Variants in MELK observed in about 807,000 individuals in gnomAD.
MELK encodes the protein pEg3 kinase.
In MELK, 81 loss-of-function variants were observed where a neutral mutation model predicts 85.0. The ratio of observed to expected loss-of-function variants is 0.95; its 90% confidence interval spans 0.80 to 1.15. The LOEUF is 1.15. Among genes scored for constraint, MELK ranks in the 50% most tolerant of loss-of-function variants. The pLI is 0.00. For synonymous variants in MELK, 252 were observed against 265.0 expected, an observed-to-expected ratio of 0.95 and a Z score of 0.48; for missense variants, 754 against 777.5, an observed-to-expected ratio of 0.97 and a Z score of 0.36.
At chr9:36,623,080 G>T (rs1173374291) in intron 8 of MELK, among the ~76,000 whole-genome samples, 3 of 152,180 alleles carry the variant, frequency 2.0e-5, no homozygotes, top group East Asian at 1.9e-4. Context: ...ATTCTTTGTT[G>T]TAGGGGACTG....
At chr9:36,582,524 T>TA (rs1296877318) in intron 2 of MELK, among the ~76,000 whole-genome samples, 1 of 148,262 alleles carries the variant, frequency 6.7e-6, no homozygotes, top group African/African-American at 2.6e-5. Context: ...TACACACACA[T>TA]ATGTACACAC....
At chr9:36,592,576 T>A (rs571406557) in intron 4 of MELK, among the ~76,000 whole-genome samples, 2 of 152,284 alleles carry the variant, frequency 1.3e-5, no homozygotes, top group African/African-American at 4.8e-5. Flanking sequence ...TATGTGTGTG[T>A]GTGTAGCTTA....
rs1395585267 is a variant in MELK at position 36,605,879 on chromosome 9, G to A, written c.568-1696G>A. Among the ~76,000 whole-genome samples the A allele has an allele frequency of 2.7e-5, 4 of 150,428 alleles. No homozygotes were observed. In the South Asian group the frequency reaches 8.5e-4, roughly 32 times the overall value. On this transcript the variant is annotated intron_variant, in intron 7 of 17. Coordinates refer to ENST00000298048, the MANE Select transcript of MELK (RefSeq NM_014791.4). ...TGCTCTTAAAACTTGCCTAAGCCTG[G>A]GAGGCAAATGTTGCAGTGAGCTGAG...
intron 4 of MELK, among the ~76,000 whole-genome samples, chr9:36,593,322 G>A (rs1823832070): frequency 6.6e-6 from 1 of 151,990 alleles, no homozygotes; most frequent in Non-Finnish European, 1.5e-5. Context: ...TTAAGAGGTG[G>A]GGCCCTTTAA....
At chr9:36,578,754 C>T (rs1287676358) in intron 1 of MELK, among the ~76,000 whole-genome samples, 2 of 152,126 alleles carry the variant, frequency 1.3e-5, no homozygotes, top group Non-Finnish European at 2.9e-5. Context: ...CAATTCTCAT[C>T]CTTTGAATTA....
At chr9:36,642,925 G>T in intron 10 of MELK, 72 bp from the exon 11 acceptor site, 1 of 1,113,906 alleles carries the variant, frequency 9.0e-7, no homozygotes, top group South Asian at 1.5e-5. Flanking sequence ...TAATTATGCT[G>T]ATTTTAAAAT....
chr9:36,651,712 A>G (rs1412049257), intron 11 of MELK, 34 bp from the exon 12 acceptor site: 7 of 1,597,856 alleles, frequency 4.4e-6, no homozygotes, highest in Non-Finnish European at 6.0e-6. Flanking sequence ...CAAACAAGTA[A>G]TCTTCTAACC....
In MELK at chr9:36,665,342, T is replaced by C; in HGVS notation, c.1177-8T>C. ...AGTGTGCTTTATCTAGTAACTTTTT[T>C]TTTCCAGTTTACCAAGTACTGGACA... On this transcript the variant is annotated splice_polypyrimidine_tract_variant and splice_region_variant and intron_variant, in intron 13 of 17. Transcript: ENST00000298048. The C allele has an allele frequency of 6.4e-7, 1 of 1,569,744 alleles. No individual in the cohort carries two copies. Among genetic ancestry groups the C allele is most frequent in the Non-Finnish European group, 8.7e-7 (1 of 1,153,196 alleles).
At chr9:36,633,532 G>C (rs1347185599) in intron 10 of MELK, among the ~76,000 whole-genome samples, 1 of 152,144 alleles carries the variant, frequency 6.6e-6, no homozygotes, top group Non-Finnish European at 1.5e-5. Flanking sequence ...TTATTCATCT[G>C]TAAAAAGTAG....
At position 36,636,778 on chromosome 9, in the gene MELK, T is replaced by TCTG. The variant is rs1564191010; in HGVS notation, c.834+3578_834+3579insCTG. On this transcript the variant is annotated intron_variant, in intron 10 of 17. Coordinates refer to ENST00000298048, the MANE Select transcript of MELK (RefSeq NM_014791.4). Reference sequence around the variant, plus strand: ...TTTCTTTCTTTCTTTCTTTCTTTCTTTCTTTCTGTCTGTCTTTCTTTCTTT... The same window carrying TCTG: ...TTTCTTTCTTTCTTTCTTTCTTTCTTCTGTCTTTCTGTCTGTCTTTCTTTCTTT... 6.0e-3 allele frequency among the ~76,000 whole-genome samples: 492 copies of TCTG among 81,976 alleles called. 3 individuals carry two copies. Among genetic ancestry groups the TCTG allele is most frequent in the African/African-American group, 0.02 (427 of 21,684 alleles). 53.8% of individuals were successfully genotyped at this position (81,976 alleles called of 152,430 possible). A position where few individuals can be genotyped will look rare whatever the true frequency, so the allele number is the denominator to read the frequency against.
chr9:36,593,722 C>T (rs1009429729), intron 4 of MELK, among the ~76,000 whole-genome samples: 1 of 152,176 alleles, frequency 6.6e-6, no homozygotes, highest in African/African-American at 2.4e-5. Flanking sequence ...GACGAAGTCT[C>T]ACTTTGTCAC....
chr9:36,636,798 T>TCTGTCTG (rs1564191179), intron 10 of MELK, among the ~76,000 whole-genome samples: 63 of 82,058 alleles, frequency 7.7e-4, no homozygotes, highest in African/African-American at 2.2e-3. Context: ...CTGTCTTTCT[T>TCTGTCTG]TCTTTCTGTC....
chr9:36,622,926 C>T (rs1827580663), intron 8 of MELK, among the ~76,000 whole-genome samples: 1 of 152,186 alleles, frequency 6.6e-6, no homozygotes, highest in Non-Finnish European at 1.5e-5. Context: ...CTGTTTCTTG[C>T]TCTCCTTTGC....
chr9:36,617,477 C>T (rs895646625), intron 8 of MELK, among the ~76,000 whole-genome samples: 1 of 151,922 alleles, frequency 6.6e-6, no homozygotes, highest in Admixed American at 6.6e-5. Flanking sequence ...GAACTACAGG[C>T]GTGCGCTACC....
At chr9:36,666,408 G>T (rs1249409356) in intron 14 of MELK, among the ~76,000 whole-genome samples, 2 of 152,122 alleles carry the variant, frequency 1.3e-5, no homozygotes, top group African/African-American at 2.4e-5. Flanking sequence ...CTGGTACATA[G>T]TACACAGTAC....
chr9:36,659,305 C>T (rs758345428), intron 13 of MELK, among the ~76,000 whole-genome samples: 5 of 152,148 alleles, frequency 3.3e-5, no homozygotes, highest in Admixed American at 2.0e-4. Flanking sequence ...CATGAGCCAC[C>T]GTGCCCGGCC....
Position 36,657,252 on chromosome 9 carries a change from G to A in MELK, c.1065G>A (p.Trp355Ter), listed in dbSNP as rs1333012659. 5 of 1,611,338 alleles carry A rather than the reference G, an allele frequency of 3.1e-6. No homozygotes were observed. Among genetic ancestry groups the A allele is most frequent in the East Asian group, 4.5e-5 (2 of 44,858 alleles). Residue 355 changes from tryptophan to a stop codon, truncating the protein, a stop_gained, in exon 13 of 18, where the codon TGG (tryptophan) becomes TGA (stop). Transcript: ENST00000298048. LOFTEE classifies it high-confidence loss of function. ...TPFTDIKSNN[W>*]SLEDVTASDK... Reference sequence around the variant, plus strand: ...CTTTCATTGAGTAGTCAAATAATTGGAGTCTGGAAGATGTGACCGCAAGTG... The same window carrying A: ...CTTTCATTGAGTAGTCAAATAATTGAAGTCTGGAAGATGTGACCGCAAGTG...
At chr9:36,658,624 C>T (rs1328131367) in intron 13 of MELK, among the ~76,000 whole-genome samples, 6 of 152,132 alleles carry the variant, frequency 3.9e-5, no homozygotes, top group African/African-American at 1.4e-4. Context: ...GTAAGGCCTA[C>T]GTCTGGACTT....
chr9:36,677,109 A>T, intron 17 of MELK, 51 bp from the exon 18 acceptor site: 3 of 1,525,186 alleles, frequency 2.0e-6, no homozygotes, highest in Non-Finnish European at 2.7e-6. Flanking sequence ...GAAAACTCTT[A>T]TACAGAATAT....
Sources: allele counts gnomAD v4.1 joint callset (sites outside exome capture counted in the v4.1 genomes callset), GRCh38; gene constraint gnomAD v4.1.1; transcripts MANE v1.5; gene names NCBI Gene and HGNC (gene_info 2026-07-23, HGNC 2026-07-21).